The following INPP4B variants were observed in gnomAD, a reference collection of about 807,000 sequenced individuals.
INPP4B encodes the protein inositol polyphosphate 4-phosphatase type II.
Under a neutral mutation model 122.5 loss-of-function variants are expected in INPP4B, and 55 were observed. The ratio of observed to expected loss-of-function variants is 0.45; its 90% confidence interval spans 0.36 to 0.56. INPP4B has a LOEUF of 0.56. Ranked by LOEUF, INPP4B falls within the 20% of genes least tolerant of loss-of-function variation. The probability of loss-of-function intolerance (pLI) is 0.00; values close to 1 mark genes in which losing one functional copy is unlikely to be tolerated. For synonymous variants in INPP4B, 403 were observed against 388.7 expected (o/e 1.04, Z -0.43); for missense variants, 1,000 against 1,097.7 (o/e 0.91, Z 1.26).
At chr4:142,731,801 A>G (rs920572317) in intron 1 of INPP4B, among the ~76,000 whole-genome samples, 2 of 152,180 alleles carry the variant, frequency 1.3e-5, no homozygotes, top group African/African-American at 2.4e-5. Context: ...TCCAACATCT[A>G]ACATGATATA....
intron 7 of INPP4B, among the ~76,000 whole-genome samples, chr4:142,398,114 G>T (rs1008113776): frequency 2.0e-5 from 3 of 151,254 alleles, no homozygotes; most frequent in Non-Finnish European, 4.4e-5. Context: ...GGTGGCTCAC[G>T]CCTGTAATCC....
intron 2 of INPP4B, among the ~76,000 whole-genome samples, chr4:142,519,136 G>A (rs189357554): frequency 1.2e-4 from 19 of 152,176 alleles, no homozygotes; most frequent in East Asian, 1.2e-3. Flanking sequence ...CAAGTCCTCC[G>A]TATAGGAGCA....
intron 2 of INPP4B, among the ~76,000 whole-genome samples, chr4:142,653,567 A>G (rs1444798032): frequency 6.6e-6 from 1 of 152,234 alleles, no homozygotes; most frequent in Admixed American, 6.5e-5. Flanking sequence ...AAGGATATGA[A>G]CAGACACTTC....
chr4:142,350,757 T>C (rs181319002), intron 7 of INPP4B, among the ~76,000 whole-genome samples: 7 of 152,186 alleles, frequency 4.6e-5, no homozygotes, highest in Non-Finnish European at 5.9e-5. Context: ...TGCAAAATTA[T>C]ACTTTACTTT....
chr4:142,825,444 A>T (rs73850572), intron 1 of INPP4B, among the ~76,000 whole-genome samples: 3,214 of 152,244 alleles, frequency 0.021, 108 homozygotes, highest in African/African-American at 0.073. Context: ...TAGTCAACAT[A>T]TATGTGCACA....
chr4:142,593,164 A>T (rs1293949782), intron 2 of INPP4B, among the ~76,000 whole-genome samples: 1 of 152,008 alleles, frequency 6.6e-6, no homozygotes, highest in Non-Finnish European at 1.5e-5. Flanking sequence ...TTAGGGAAAA[A>T]CTAGTCTGCA....
intron 25 of INPP4B, among the ~76,000 whole-genome samples, chr4:142,057,513 C>A (rs1758323922): frequency 6.6e-6 from 1 of 152,038 alleles, no homozygotes; most frequent in African/African-American, 2.4e-5. Flanking sequence ...CAGTGTTGGA[C>A]TTGAAATTAA....
intron 2 of INPP4B, among the ~76,000 whole-genome samples, chr4:142,610,489 A>C (rs985903631): frequency 6.6e-6 from 1 of 152,194 alleles, no homozygotes; most frequent in Non-Finnish European, 1.5e-5. Flanking sequence ...TTGTATATTT[A>C]ATAAAAATTA....
chr4:142,266,275 G>T (rs941407782), intron 10 of INPP4B, among the ~76,000 whole-genome samples: 1 of 152,108 alleles, frequency 6.6e-6, no homozygotes, highest in Non-Finnish European at 1.5e-5. Context: ...AAGAAAGTCT[G>T]CTCCAAAACT....
chr4:142,642,108 G>A (rs1052889433), intron 2 of INPP4B, among the ~76,000 whole-genome samples: 5 of 152,080 alleles, frequency 3.3e-5, no homozygotes, highest in African/African-American at 1.2e-4. Context: ...ACTTGTTGAT[G>A]GGGTTGTTTG....
chr4:142,570,788 T>C (rs147343874), intron 2 of INPP4B, among the ~76,000 whole-genome samples: 1 of 152,064 alleles, frequency 6.6e-6, no homozygotes, highest in Non-Finnish European at 1.5e-5. Flanking sequence ...AACCCTAATG[T>C]TAATGAATTT....
chr4:142,130,430 T>C (rs1436789311), intron 18 of INPP4B, among the ~76,000 whole-genome samples: 1 of 151,982 alleles, frequency 6.6e-6, no homozygotes, highest in East Asian at 1.9e-4. Flanking sequence ...GGAGTCTAGG[T>C]ATAGGCAGTC....
intron 2 of INPP4B, among the ~76,000 whole-genome samples, chr4:142,481,271 A>G (rs1820509153): frequency 6.6e-6 from 1 of 152,126 alleles, no homozygotes; most frequent in Non-Finnish European, 1.5e-5. Context: ...GAGGTAGAAG[A>G]AAATATTTCC....
At chr4:142,830,579 G>C (rs1781995471) in intron 1 of INPP4B, among the ~76,000 whole-genome samples, 1 of 152,088 alleles carries the variant, frequency 6.6e-6, no homozygotes, top group Non-Finnish European at 1.5e-5. Flanking sequence ...GAAGAAAAGA[G>C]GCAGAGGAGA....
At chr4:142,298,563 T>C (rs1759852538) in intron 9 of INPP4B, among the ~76,000 whole-genome samples, 2 of 150,152 alleles carry the variant, frequency 1.3e-5, no homozygotes, top group African/African-American at 4.9e-5. Context: ...TGGGCGCCTA[T>C]AATCCCAGCT....
intron 17 of INPP4B, among the ~76,000 whole-genome samples, chr4:142,157,564 G>A (rs913510918): frequency 6.6e-6 from 1 of 152,084 alleles, no homozygotes; most frequent in East Asian, 1.9e-4. Context: ...GAGATGCAGA[G>A]AGCAATGCAG....
At position 142,023,772 on chromosome 4, in the gene INPP4B, T is replaced by G. The variant is rs1246863451; in HGVS notation, c.*5010A>C. On this transcript the variant is annotated 3_prime_UTR_variant, in exon 26 of 26. Coordinates refer to ENST00000262992, the MANE Select transcript of INPP4B (RefSeq NM_001101669.3). Reference sequence around the variant, plus strand: ...AGAACTGTATTTACTAAAATATATTTTTTTTGGCAAGATGTGATTTATCAG... The same window carrying G: ...AGAACTGTATTTACTAAAATATATTGTTTTTGGCAAGATGTGATTTATCAG... 1 of 152,182 alleles carries G rather than the reference T, an allele frequency of 6.6e-6. No homozygotes were observed. Among genetic ancestry groups the G allele is most frequent in the Non-Finnish European group, 1.5e-5 (1 of 68,014 alleles). The allele number at this position is 152,182 out of a possible 1,614,324, so 9.4% of individuals were successfully genotyped here. A position where few individuals can be genotyped will look rare whatever the true frequency, so the allele number is the denominator to read the frequency against.
chr4:142,451,081 A>C (rs895964604), intron 3 of INPP4B, among the ~76,000 whole-genome samples: 1 of 151,758 alleles, frequency 6.6e-6, no homozygotes, highest in Admixed American at 6.6e-5. Flanking sequence ...TGTATTTATG[A>C]TCTTATTTAT....
At chr4:142,393,549 A>C (rs938420174) in intron 7 of INPP4B, among the ~76,000 whole-genome samples, 4 of 152,234 alleles carry the variant, frequency 2.6e-5, no homozygotes, top group African/African-American at 9.6e-5. Flanking sequence ...AGTTTTGGTC[A>C]ATCTCTCAAA....
Sources: gnomAD v4.1 joint callset for allele counts (sites outside exome capture counted in the v4.1 genomes callset) on GRCh38, gnomAD v4.1.1 for gene constraint, MANE v1.5 for transcripts, NCBI Gene and HGNC (gene_info 2026-07-23, HGNC 2026-07-21) for gene names.